SMAD1: variants seen among roughly 807,000 people sequenced by gnomAD.
The protein encoded by SMAD1 is MAD, mothers against decapentaplegic homolog 1.
SMAD1 carries 6 observed loss-of-function variants against 41.6 expected under a neutral mutation model. That is an observed-to-expected ratio of 0.14 (90% CI 0.08 to 0.28). The LOEUF (loss-of-function observed/expected upper bound fraction) is 0.28. Among genes scored for constraint, SMAD1 ranks in the 10% least tolerant of loss-of-function variants. The probability of loss-of-function intolerance (pLI) is 1.00; values close to 1 mark genes in which losing one functional copy is unlikely to be tolerated. For missense variants in SMAD1, 379 were observed against 582.6 expected, an observed-to-expected ratio of 0.65 and a Z score of 3.60; for synonymous variants, 206 against 203.2, an observed-to-expected ratio of 1.01 and a Z score of -0.12.
At chr4:145,545,177 C>G (rs1732177458) in intron 4 of SMAD1, 1 of 152,078 alleles carries the variant, frequency 6.6e-6, no homozygotes, top group African/African-American at 2.4e-5. Flanking sequence ...TGGACCACAG[C>G]TGTATTCATT....
chr4:145,535,271 G>A (rs1731548190), intron 2 of SMAD1, among the ~76,000 whole-genome samples: 1 of 152,084 alleles, frequency 6.6e-6, no homozygotes, highest in South Asian at 2.1e-4. Flanking sequence ...CATTGGAAAG[G>A]GGTACTTGAC....
chr4:145,539,812 C>T lies in SMAD1; in HGVS notation c.409C>T (p.Pro137Ser). The change falls in exon 3 of 7, where the codon CCT (proline) becomes TCT (serine). Residue 137 changes from proline (P) to serine (S), a missense_variant. By Grantham distance (74) the Pro-to-Ser change is moderately conservative. Transcript: ENST00000302085. ...TCCCTTCCTTTTTCTAGTACTTCCT[C>T]CTGTGCTGGTTCCAAGACACAGCGA... ...YKRVESPVLP[P>S]VLVPRHSEYN... The T allele has an allele frequency of 1.2e-6, 2 of 1,613,780 alleles. No homozygotes were observed. The highest frequency in any genetic ancestry group is 1.7e-6 in the Non-Finnish European group (2 of 1,179,752).
intron 3 of SMAD1, 27 bp downstream of exon 3, chr4:145,540,088 T>C (rs780120903): frequency 1.2e-6 from 2 of 1,613,062 alleles, no homozygotes; most frequent in Non-Finnish European, 1.7e-6. Flanking sequence ...AGTGATGTTC[T>C]GTAGTCATAT....
intron 1 of SMAD1, among the ~76,000 whole-genome samples, chr4:145,491,988 C>G (rs1728793214): frequency 6.6e-6 from 1 of 151,934 alleles, no homozygotes; most frequent in African/African-American, 2.4e-5. Context: ...AAAAGTTCCC[C>G]TTGTAGTAAA....
intron 2 of SMAD1, among the ~76,000 whole-genome samples, chr4:145,515,924 GTAGCTAT>G (rs1730359204): frequency 6.6e-6 from 1 of 152,118 alleles, no homozygotes; most frequent in Middle Eastern, 3.2e-3. Flanking sequence ...TGTTACTGAT[GTAGCTAT>G]TGGATTGGTG....
chr4:145,519,316 G>A (rs1393203803), intron 2 of SMAD1, among the ~76,000 whole-genome samples: 1 of 151,700 alleles, frequency 6.6e-6, no homozygotes, highest in Non-Finnish European at 1.5e-5. Context: ...CGCTGGTCTC[G>A]AAGTCCTGAC....
At chr4:145,515,113 A>C (rs919793815) in intron 2 of SMAD1, 100 bp downstream of exon 2, 4 of 1,134,880 alleles carry the variant, frequency 3.5e-6, no homozygotes, top group Admixed American at 4.7e-5. Flanking sequence ...TTTAGTTGTA[A>C]TTTAAAAATA....
At chr4:145,485,338 A>G (rs1728431173) in intron 1 of SMAD1, among the ~76,000 whole-genome samples, 1 of 152,160 alleles carries the variant, frequency 6.6e-6, no homozygotes, top group Admixed American at 6.5e-5. Context: ...GGCCTCCCAA[A>G]GTGTTGGGGT....
intron 2 of SMAD1, among the ~76,000 whole-genome samples, chr4:145,515,882 TG>T (rs1239186099): frequency 1.3e-5 from 2 of 152,180 alleles, no homozygotes; most frequent in African/African-American, 4.8e-5. Flanking sequence ...TGGGATAGCC[TG>T]GTAATCTTTG....
At chr4:145,506,701 T>G (rs1729809608) in intron 1 of SMAD1, among the ~76,000 whole-genome samples, 1 of 152,088 alleles carries the variant, frequency 6.6e-6, no homozygotes, top group South Asian at 2.1e-4. Flanking sequence ...AAAAAAAACT[T>G]TCTGTGGGAA....
intron 1 of SMAD1, among the ~76,000 whole-genome samples, chr4:145,502,304 C>G (rs1168840206): frequency 6.6e-6 from 1 of 151,916 alleles, no homozygotes; most frequent in Non-Finnish European, 1.5e-5. Context: ...GGACAGTATG[C>G]CATTACAAGC....
chr4:145,555,007 A>G (rs1732759665), intron 6 of SMAD1, among the ~76,000 whole-genome samples: 1 of 152,092 alleles, frequency 6.6e-6, no homozygotes, highest in African/African-American at 2.4e-5. Context: ...TCTTTTCCTG[A>G]ATATAGTTAC....
At chr4:145,538,649 ATTGT>A (rs1432682787) in intron 2 of SMAD1, among the ~76,000 whole-genome samples, 2 of 152,154 alleles carry the variant, frequency 1.3e-5, no homozygotes, top group Non-Finnish European at 2.9e-5. Flanking sequence ...GCCACCAAAT[ATTGT>A]TTCTTTGGGG....
chr4:145,543,124 G>A (rs1478662697), intron 4 of SMAD1, among the ~76,000 whole-genome samples: 3 of 151,896 alleles, frequency 2.0e-5, no homozygotes, highest in Non-Finnish European at 2.9e-5. Flanking sequence ...ACACCATCAC[G>A]CCCGACTAAT....
At chr4:145,504,858 C>G (rs557880465) in intron 1 of SMAD1, among the ~76,000 whole-genome samples, 1 of 152,182 alleles carries the variant, frequency 6.6e-6, no homozygotes, top group Non-Finnish European at 1.5e-5. Flanking sequence ...CAATTCTTTG[C>G]TTACAAGATG....
At chr4:145,505,760 A>T (rs776212259) in intron 1 of SMAD1, among the ~76,000 whole-genome samples, 13 of 152,122 alleles carry the variant, frequency 8.5e-5, no homozygotes, top group Non-Finnish European at 1.6e-4. Flanking sequence ...TTAAGAATAT[A>T]TCTGGCGATG....
chr4:145,507,882 A>T (rs974166876), intron 1 of SMAD1, among the ~76,000 whole-genome samples: 17 of 152,134 alleles, frequency 1.1e-4, no homozygotes, highest in Non-Finnish European at 1.6e-4. Flanking sequence ...AGTTCCTTAT[A>T]TGAGGTAGGT....
At chr4:145,498,837 T>A (rs1463617746) in intron 1 of SMAD1, among the ~76,000 whole-genome samples, 1 of 152,228 alleles carries the variant, frequency 6.6e-6, no homozygotes, top group Non-Finnish European at 1.5e-5. Context: ...GTCGAATGTA[T>A]CATAATTTAT....
chr4:145,501,865 G>A (rs1321462777), intron 1 of SMAD1, among the ~76,000 whole-genome samples: 1 of 152,034 alleles, frequency 6.6e-6, no homozygotes, highest in Non-Finnish European at 1.5e-5. Flanking sequence ...TTGAGATAAT[G>A]ATTTCTACCT....
Sources: allele counts gnomAD v4.1 joint callset (sites outside exome capture counted in the v4.1 genomes callset), GRCh38; gene constraint gnomAD v4.1.1; transcripts MANE v1.5; gene names NCBI Gene and HGNC (gene_info 2026-07-23, HGNC 2026-07-21).